Variants in ICA1 observed in about 807,000 individuals in gnomAD.
ICA1 encodes islet cell autoantigen 1.
In ICA1, 40 loss-of-function variants were observed where a neutral mutation model predicts 71.0. The observed-to-expected ratio is 0.56, with a 90% CI of 0.44 to 0.73. The LOEUF is 0.73. Among genes scored for constraint, ICA1 ranks in the 30% least tolerant of loss-of-function variants. The probability of loss-of-function intolerance (pLI) is 0.00; values close to 1 mark genes in which losing one functional copy is unlikely to be tolerated. For synonymous variants in ICA1, 207 were observed against 209.5 expected (o/e 0.99, Z 0.10); for missense variants, 578 against 576.5 (o/e 1.00, Z -0.03).
chr7:8,151,321 G>A (rs563502091), intron 8 of ICA1, among the ~76,000 whole-genome samples: 6 of 152,288 alleles, frequency 3.9e-5, no homozygotes, highest in South Asian at 2.1e-4. Context: ...AATGCCAGTC[G>A]CCATCAGGCG....
intron 8 of ICA1, among the ~76,000 whole-genome samples, chr7:8,153,292 A>G (rs952945065): frequency 6.6e-6 from 1 of 152,210 alleles, no homozygotes; most frequent in Admixed American, 6.5e-5. Context: ...GGCCATTTTC[A>G]TTAAATACAG....
chr7:8,129,907 T>C (rs1044432208), intron 12 of ICA1, among the ~76,000 whole-genome samples: 1 of 135,128 alleles, frequency 7.4e-6, no homozygotes, highest in Admixed American at 8.7e-5. Context: ...CCTGTGTCCA[T>C]GTGTTCTCAT....
intron 8 of ICA1, among the ~76,000 whole-genome samples, chr7:8,154,152 A>C (rs1300353227): frequency 5.3e-5 from 8 of 152,190 alleles, no homozygotes; most frequent in Non-Finnish European, 5.9e-5. Flanking sequence ...ATTTGTTGTC[A>C]CATAAAACAT....
At chr7:8,175,209 A>T (rs1489775121) in intron 6 of ICA1, among the ~76,000 whole-genome samples, 1 of 152,088 alleles carries the variant, frequency 6.6e-6, no homozygotes, top group Non-Finnish European at 1.5e-5. Flanking sequence ...GGGTAGAGAG[A>T]TTTCAGGGAC....
intron 8 of ICA1, among the ~76,000 whole-genome samples, chr7:8,152,881 C>CAA: frequency 5.4e-5 from 1 of 18,380 alleles, no homozygotes; most frequent in South Asian, 1.3e-3. Flanking sequence ...ACCATCACCT[C>CAA]CACCACCACT....
In ICA1 at chr7:8,226,817, AG is replaced by A. The variant is rs2128444009; in HGVS notation, c.256+1783del. The stretch of plus-strand genomic sequence containing the variant: ...CATTATTCTAACCCTTTATATTACA[AG>A]ATAATTATGAGCCTTCATGGTGTTC... On this transcript the variant is annotated intron_variant, in intron 4 of 13. Coordinates refer to ENST00000402384, the MANE Select transcript of ICA1 (RefSeq NM_001136020.3). This position sits in a 1 kb window ranked among gnomAD's most constrained non-coding sequence, Gnocchi z 4.4. Among the ~76,000 whole-genome samples, 2 of 152,344 alleles carry A rather than the reference AG, an allele frequency of 1.3e-5. No homozygotes were observed. Among genetic ancestry groups the A allele is most frequent in the South Asian group, 4.1e-4 (2 of 4,832 alleles).
chr7:8,199,019 A>C (rs1788633149), intron 6 of ICA1, among the ~76,000 whole-genome samples: 1 of 152,264 alleles, frequency 6.6e-6, no homozygotes, highest in Non-Finnish European at 1.5e-5. Context: ...TCATCAGAGA[A>C]ATGCAAATCA....
At chr7:8,157,073 T>C (rs773291928) in intron 8 of ICA1, 43 bp downstream of exon 8, 46 of 1,614,012 alleles carry the variant, frequency 2.9e-5, no homozygotes, top group Non-Finnish European at 5.1e-6. Flanking sequence ...AACAAAACTT[T>C]ACTTTTCTCA....
chr7:8,171,514 CTTCT>C (rs1423720422), intron 6 of ICA1, among the ~76,000 whole-genome samples: 1 of 151,682 alleles, frequency 6.6e-6, no homozygotes, highest in Non-Finnish European at 1.5e-5. Context: ...TGATTTATGT[CTTCT>C]TTCTTTTGTT....
rs117769766 is a variant in ICA1 at position 8,119,142 on chromosome 7, C to T, written c.1331-5098G>A. Reference sequence around the variant, plus strand: ...GGCCCACTTCAGGACCCCACACTCCCAGGCAGCTGACTCCAAATCTTGCAG... The same window carrying T: ...GGCCCACTTCAGGACCCCACACTCCTAGGCAGCTGACTCCAAATCTTGCAG... On this transcript the variant is annotated intron_variant, in intron 13 of 13. Coordinates refer to ENST00000402384, the MANE Select transcript of ICA1 (RefSeq NM_001136020.3). Among the ~76,000 whole-genome samples, 213 of 152,310 alleles carry T rather than the reference C, an allele frequency of 1.4e-3. No homozygotes were observed. In the East Asian group the frequency reaches 0.014, roughly 10 times the overall value.
At position 8,222,766 on chromosome 7, in the gene ICA1, G is replaced by A. The variant is rs1044933340; in HGVS notation, c.257-1368C>T. Among the ~76,000 whole-genome samples, 8 of 152,142 alleles carry A rather than the reference G, an allele frequency of 5.3e-5. No individual in the cohort carries two copies. Among genetic ancestry groups the A allele is most frequent in the Non-Finnish European group, 8.8e-5 (6 of 68,032 alleles). ...CAAGTTCACCATCAAAGGCCTGCTC[G>A]CAGGTTCCTTTCTCTGTGAAGCAAT... On this transcript the variant is annotated intron_variant, in intron 4 of 13. Coordinates refer to ENST00000402384, the MANE Select transcript of ICA1 (RefSeq NM_001136020.3). The surrounding 1 kb of genome is among the most constrained non-coding windows in gnomAD (Gnocchi z 4.8).
Position 8,171,882 on chromosome 7 carries a change from T to C in ICA1, c.580-13230A>G, listed in dbSNP as rs150862736. ...TTAATCCACAAGTTATTTGGATAAA[T>C]ATTGTTGAATTTCCAATTATTCAGG... On this transcript the variant is annotated intron_variant, in intron 6 of 13. Transcript: ENST00000402384. Among the ~76,000 whole-genome samples the C allele has an allele frequency of 5.5e-3, 838 of 152,158 alleles. 7 individuals carry two copies. The highest frequency in any genetic ancestry group is 0.018 in the African/African-American group (769 of 41,570).
At chr7:8,240,026 A>G (rs1410975143) in intron 1 of ICA1, among the ~76,000 whole-genome samples, 1 of 152,202 alleles carries the variant, frequency 6.6e-6, no homozygotes, top group Non-Finnish European at 1.5e-5. Flanking sequence ...TCCCTGTCTG[A>G]CAGCTCTGAA....
chr7:8,182,135 C>CT (rs1311012362), intron 6 of ICA1, among the ~76,000 whole-genome samples: 2 of 151,740 alleles, frequency 1.3e-5, no homozygotes, highest in Non-Finnish European at 2.9e-5. Context: ...TTTTTTTTCC[C>CT]TTTTTTCACT....
intron 2 of ICA1, among the ~76,000 whole-genome samples, chr7:8,233,396 T>G (rs1583560788): frequency 1.8e-5 from 1 of 54,516 alleles, no homozygotes; most frequent in Non-Finnish European, 4.0e-5. Context: ...TTCTTGGTAT[T>G]TTTTTTTTTT....
chr7:8,180,395 G>A (rs1030402315), intron 6 of ICA1, among the ~76,000 whole-genome samples: 4 of 152,058 alleles, frequency 2.6e-5, no homozygotes, highest in Non-Finnish European at 5.9e-5. Context: ...CCTATTGAAT[G>A]AATGGTACCA....
At chr7:8,166,166 T>C (rs1318506282) in intron 6 of ICA1, among the ~76,000 whole-genome samples, 1 of 152,130 alleles carries the variant, frequency 6.6e-6, no homozygotes, top group Non-Finnish European at 1.5e-5. Flanking sequence ...TGTTATTAAT[T>C]ACCAGTAAAA....
intron 6 of ICA1, among the ~76,000 whole-genome samples, chr7:8,174,703 G>A (rs1779940509): frequency 6.9e-6 from 1 of 145,112 alleles, no homozygotes; most frequent in Non-Finnish European, 1.5e-5. Flanking sequence ...GCTGAGGCGG[G>A]AGGATCACTT....
rs913426011 is a variant in ICA1, at chr7:8,223,918, A to G, written c.257-2520T>C. 6.6e-6 allele frequency among the ~76,000 whole-genome samples: 1 copy of G among 152,206 alleles called. No homozygotes were observed. The highest frequency in any genetic ancestry group is 6.5e-5 in the Admixed American group (1 of 15,270). The stretch of plus-strand genomic sequence containing the variant: ...ATGTGCCGTTAAAAACAAGGCAACT[A>G]TGGAACTATGAAATTAATTAGCTGG... On this transcript the variant is annotated intron_variant, in intron 4 of 13. Transcript: ENST00000402384. This position sits in a 1 kb window ranked among gnomAD's most constrained non-coding sequence, Gnocchi z 4.1.
Sources: allele counts gnomAD v4.1 joint callset (sites outside exome capture counted in the v4.1 genomes callset), GRCh38; gene constraint gnomAD v4.1.1; non-coding constraint Gnocchi (gnomAD v3.1); transcripts MANE v1.5; gene names NCBI Gene and HGNC (gene_info 2026-07-23, HGNC 2026-07-21).